TENM4: variants seen among roughly 807,000 people sequenced by gnomAD.
The protein encoded by TENM4 is teneurin transmembrane protein 4.
TENM4 carries 82 observed loss-of-function variants against 243.3 expected under a neutral mutation model. That is an observed-to-expected ratio of 0.34 (90% CI 0.28 to 0.40). The LOEUF (loss-of-function observed/expected upper bound fraction) is 0.40. Among genes scored for constraint, TENM4 ranks in the 10% least tolerant of loss-of-function variants. The pLI is 1.00. For synonymous variants in TENM4, 1,412 were observed against 1,456.3 expected, an observed-to-expected ratio of 0.97 and a Z score of 0.69; for missense variants, 3,138 against 3,673.3, an observed-to-expected ratio of 0.85 and a Z score of 3.77.
At chr11:78,852,755 GGTTT>G (rs1337875284) in intron 12 of TENM4, among the ~76,000 whole-genome samples, 2 of 152,010 alleles carry the variant, frequency 1.3e-5, no homozygotes, top group African/African-American at 4.8e-5. Context: ...GATTTTTTGG[GGTTT>G]GTTTGTTTGA....
chr11:78,871,473 C>T (rs991729490), intron 9 of TENM4, among the ~76,000 whole-genome samples: 11 of 152,282 alleles, frequency 7.2e-5, no homozygotes, highest in African/African-American at 2.6e-4. Context: ...ACTGACATCT[C>T]AGCTCCCAGG....
rs540786885 is a variant in TENM4 at position 78,708,025 on chromosome 11, C to G, written c.4209+336G>C. The stretch of plus-strand genomic sequence containing the variant: ...AAGAGAACAGGCAATGTACAAATAC[C>G]CATCAGTGTTACCAAAGAGGAAGTT... On this transcript the variant is annotated intron_variant, in intron 27 of 33. Transcript: ENST00000278550. Among the ~76,000 whole-genome samples the G allele has an allele frequency of 2.0e-5, 3 of 152,310 alleles. No individual in the cohort carries two copies. The East Asian group carries it at 5.8e-4, about 29-fold the overall frequency.
At chr11:79,277,097 A>G (rs1856070373) in intron 2 of TENM4, among the ~76,000 whole-genome samples, 1 of 152,312 alleles carries the variant, frequency 6.6e-6, no homozygotes. Context: ...AGGCAGGCTG[A>G]GCCAGCAAAA....
intron 3 of TENM4, among the ~76,000 whole-genome samples, chr11:79,199,256 G>A (rs1407658462): frequency 6.6e-6 from 1 of 152,090 alleles, no homozygotes; most frequent in African/African-American, 2.4e-5. Flanking sequence ...TACTTCAAAG[G>A]GTTTTTGTGA....
At chr11:79,171,427 A>G (rs556120068) in intron 3 of TENM4, among the ~76,000 whole-genome samples, 27 of 152,220 alleles carry the variant, frequency 1.8e-4, no homozygotes, top group Admixed American at 2.6e-4. Context: ...TCCTAGAGGG[A>G]AACCCAGCCA....
chr11:78,814,541 CTA>C (rs1857565009), intron 12 of TENM4, 146 bp from the exon 13 acceptor site: 1 of 667,056 alleles, frequency 1.5e-6, no homozygotes, highest in Admixed American at 3.3e-5. Flanking sequence ...AGTTAAAATT[CTA>C]TGTTATTTTT....
At chr11:79,386,171 T>C (rs929523695) in intron 1 of TENM4, among the ~76,000 whole-genome samples, 1 of 152,044 alleles carries the variant, frequency 6.6e-6, no homozygotes, top group African/African-American at 2.4e-5. Context: ...GGGGAAAGAG[T>C]GGTCTTTACA....
chr11:79,027,094 G>A (rs924674840), intron 6 of TENM4, among the ~76,000 whole-genome samples: 3 of 152,192 alleles, frequency 2.0e-5, no homozygotes, highest in Non-Finnish European at 2.9e-5. Context: ...AGAAGTAAAT[G>A]TGGGTTGAAC....
At chr11:78,849,667 A>G (rs1279486587) in intron 12 of TENM4, among the ~76,000 whole-genome samples, 1 of 152,230 alleles carries the variant, frequency 6.6e-6, no homozygotes, top group Admixed American at 6.5e-5. Context: ...GAAGAAGGCA[A>G]ATTGCTAAAG....
At chr11:79,319,737 T>C (rs1290475722) in intron 1 of TENM4, among the ~76,000 whole-genome samples, 2 of 151,908 alleles carry the variant, frequency 1.3e-5, no homozygotes, top group African/African-American at 4.8e-5. Flanking sequence ...ACATTATCTC[T>C]GTGTTGAAAG....
chr11:79,329,421 C>A (rs1857025828), intron 1 of TENM4, among the ~76,000 whole-genome samples: 2 of 152,140 alleles, frequency 1.3e-5, no homozygotes, highest in African/African-American at 4.8e-5. Context: ...CAGTTACTGG[C>A]AATATAGAGC....
chr11:78,783,496 G>T (rs1262539023), intron 16 of TENM4, among the ~76,000 whole-genome samples: 2 of 152,166 alleles, frequency 1.3e-5, no homozygotes, highest in African/African-American at 4.8e-5. Context: ...TCTGTGGGCA[G>T]TGGAGGAGGG....
At chr11:79,352,992 T>C (rs952382289) in intron 1 of TENM4, among the ~76,000 whole-genome samples, 1 of 152,034 alleles carries the variant, frequency 6.6e-6, no homozygotes, top group South Asian at 2.1e-4. Flanking sequence ...GGCAGACGGA[T>C]ACCCTCATTG....
At chr11:78,791,680 G>A (rs1308911589) in intron 15 of TENM4, among the ~76,000 whole-genome samples, 1 of 152,150 alleles carries the variant, frequency 6.6e-6, no homozygotes, top group Non-Finnish European at 1.5e-5. Flanking sequence ...AATTTAGCAT[G>A]AACAAAAGTA....
At chr11:79,139,748 T>A (rs377135737) in intron 4 of TENM4, among the ~76,000 whole-genome samples, 399 of 24,880 alleles carry the variant, frequency 0.016, 90 homozygotes, top group African/African-American at 0.02. Flanking sequence ...TATAAATATA[T>A]AATATATATT....
intron 1 of TENM4, among the ~76,000 whole-genome samples, chr11:79,392,198 C>A (rs1858248770): frequency 6.6e-6 from 1 of 152,176 alleles, no homozygotes; most frequent in African/African-American, 2.4e-5. Context: ...AAACCTTAAT[C>A]CCCTGTCTTA....
In TENM4 at chr11:79,125,739, T is replaced by C. The variant is rs190297176; in HGVS notation, c.-66+22971A>G. 8.3e-4 allele frequency among the ~76,000 whole-genome samples: 126 copies of C among 152,294 alleles called. 1 individual carries two copies. In the East Asian group the frequency reaches 0.018, roughly 22 times the overall value. ...CTGAGGACATAAACCCTGAGCTGCCTGAGGCAACAGTGATGGCCTCCCCTG... is the reference window on the plus strand; with the variant it reads ...CTGAGGACATAAACCCTGAGCTGCCCGAGGCAACAGTGATGGCCTCCCCTG... On this transcript the variant is annotated intron_variant, in intron 4 of 33. Transcript: ENST00000278550.
chr11:78,924,460 A>C (rs531019641), intron 6 of TENM4: 1 of 152,362 alleles, frequency 6.6e-6, no homozygotes, highest in East Asian at 1.9e-4. Flanking sequence ...GCAGAATCAG[A>C]TCAACCTCAT....
rs1477723225 is a variant in TENM4 at position 79,066,680 on chromosome 11, GCACGCATGCACACTCGAGCACACA to G, written c.224-1697_224-1674del. On this transcript the variant is annotated intron_variant, in intron 5 of 33. Coordinates refer to ENST00000278550, the MANE Select transcript of TENM4 (RefSeq NM_001098816.3). ...TGCAAACATGCACATGCACACACACGCACGCATGCACACTCGAGCACACACACGCATGCACACTCGAGCACACAC... is the reference window on the plus strand; with the variant it reads ...TGCAAACATGCACATGCACACACACGCACGCATGCACACTCGAGCACACAC... 2.2e-3 allele frequency among the ~76,000 whole-genome samples: 325 copies of G among 148,518 alleles called. 1 individual carries two copies. The highest frequency in any genetic ancestry group is 7.4e-3 in the African/African-American group (297 of 40,048).
Sources: allele counts gnomAD v4.1 joint callset (sites outside exome capture counted in the v4.1 genomes callset), GRCh38; gene constraint gnomAD v4.1.1; transcripts MANE v1.5; gene names NCBI Gene and HGNC (gene_info 2026-07-23, HGNC 2026-07-21).